The following ADAR variants were observed in gnomAD, a reference collection of about 807,000 sequenced individuals.
The protein encoded by ADAR is double-stranded RNA-specific adenosine deaminase.
A neutral mutation model predicts 113.2 loss-of-function variants in ADAR; 41 were observed. The ratio of observed to expected loss-of-function variants is 0.36; its 90% CI spans 0.28 to 0.47. The LOEUF is 0.47. ADAR is among the 20% of genes least tolerant of loss of function. ADAR has a pLI of 1.00. For missense variants in ADAR, 1,242 were observed against 1,540.9 expected (o/e 0.81, Z 3.25); for synonymous variants, 605 against 572.6 (o/e 1.06, Z -0.81).
intron 12 of ADAR, 76 bp downstream of exon 12, chr1:154,586,105 G>T: frequency 6.4e-7 from 1 of 1,563,806 alleles, no homozygotes; most frequent in Non-Finnish European, 8.8e-7. Context: ...CAAAACACCT[G>T]GCAATAAAGC....
In ADAR at chr1:154,590,249, T is replaced by C; in HGVS notation, c.2431A>G (p.Thr811Ala). The C allele has an allele frequency of 6.2e-7, 1 of 1,606,704 alleles. No individual in the cohort carries two copies. The change falls in exon 7 of 15, where the codon ACA becomes GCA. Residue 811 changes from threonine (T) to alanine (A), a missense_variant. Around this residue, in one of 2 missense-constraint regions of ADAR, gnomAD observed 780 missense variants for 1,057.9 expected, o/e 0.74. Coordinates refer to ENST00000368474, the MANE Select transcript of ADAR (RefSeq NM_001111.5). ...RMGFTEVTPV[T>A]GASLRRTMLL... The stretch of plus-strand genomic sequence containing the variant: ...ATAGTTCTTCTGAGACTGGCCCCTG[T>C]CACTGGGGTTACCTCTGTGAAACCC...
chr1:154,584,793 T>A lies in ADAR; in HGVS notation c.*13A>T. ...AGTATGACACACCCTAATCCATCTGTCACTGGAGCATACTATACTGGGCAG... is the reference window on the plus strand; with the variant it reads ...AGTATGACACACCCTAATCCATCTGACACTGGAGCATACTATACTGGGCAG... On this transcript the variant is annotated 3_prime_UTR_variant, in exon 15 of 15. Transcript: ENST00000368474. 6.2e-7 allele frequency: 1 copy of A among 1,602,188 alleles called. No homozygotes were observed. Among genetic ancestry groups the A allele is most frequent in the Non-Finnish European group, 8.5e-7 (1 of 1,169,740 alleles).
upstream of ADAR, among the ~76,000 whole-genome samples, chr1:154,611,321 T>C (rs1557899969): frequency 6.6e-6 from 1 of 152,194 alleles, no homozygotes; most frequent in Non-Finnish European, 1.5e-5. Flanking sequence ...AGAAGGTCAG[T>C]TTATGCCTTG....
At chr1:154,610,824 G>GAAAAAAAAAAAAAAAAAAAAAAAAAAA (rs1298389364), upstream of ADAR, among the ~76,000 whole-genome samples, 3 of 65,202 alleles carry the variant, frequency 4.6e-5, no homozygotes, top group African/African-American at 6.6e-5. Flanking sequence ...AAAAAAAAAA[G>GAAAAAAAAAAAAAAAAAAAAAAAAAAA]AAAAAAAAAA....
At chr1:154,587,492 ATC>A (rs1326276189) in intron 11 of ADAR, among the ~76,000 whole-genome samples, 3 of 152,164 alleles carry the variant, frequency 2.0e-5, no homozygotes, top group Admixed American at 1.3e-4. Flanking sequence ...ACAGATCTCC[ATC>A]TCTCTGCAGC....
intron 9 of ADAR, 149 bp from the exon 10 acceptor site, chr1:154,588,822 ACCTCAGC>A: frequency 1.7e-6 from 2 of 1,143,284 alleles, no homozygotes; most frequent in Non-Finnish European, 2.6e-6. Flanking sequence ...TCCAGGGGAG[ACCTCAGC>A]ATTTCATAAA....
At chr1:154,586,053 C>T (rs1381096761) in intron 12 of ADAR, 128 bp downstream of exon 12, 1 of 1,311,350 alleles carries the variant, frequency 7.6e-7, no homozygotes, top group Non-Finnish European at 1.1e-6. Context: ...GACACTCAAT[C>T]AATTACTGAG....
rs1696721808 is a variant in ADAR at position 154,585,836 on chromosome 1, G to A, written c.3232C>T (p.Arg1078Cys). 2 of 1,613,976 alleles carry A rather than the reference G, an allele frequency of 1.2e-6. No individual in the cohort carries two copies. Among genetic ancestry groups the A allele is most frequent in the Non-Finnish European group, 1.7e-6 (2 of 1,179,960 alleles). ...CTTGTCACACGACAGCAAATAGCAC[G>A]GGTCAGATGCCCTTGGCTGAAAAGG... ...GYLFSQGHLT[R>C]AICCRVTRDG... The change falls in exon 13 of 15, where the codon CGT becomes TGT. Residue 1078 changes from arginine to cysteine, a missense_variant. Transcript: ENST00000368474.
intron 1 of ADAR, among the ~76,000 whole-genome samples, chr1:154,622,959 GGA>G (rs1276453497): frequency 1.3e-5 from 2 of 152,164 alleles, no homozygotes; most frequent in Non-Finnish European, 2.9e-5. Flanking sequence ...CAGTCAATGA[GGA>G]GAGACAGGCA....
intron 13 of ADAR, 182 bp from the exon 14 acceptor site, chr1:154,585,526 T>A: frequency 1.0e-6 from 1 of 963,354 alleles, no homozygotes; most frequent in South Asian, 1.4e-5. Flanking sequence ...TCGATTCAGA[T>A]TAATTCCAGA....
In ADAR at chr1:154,608,087, G is replaced by GGCCCCCAC; in HGVS notation, c.-89_-82dup. On this transcript the variant is annotated 5_prime_UTR_variant, in exon 1 of 15. Transcript: ENST00000368474. ...CCGCTGGGCCGCGCCAGCCCCTCGA[G>GGCCCCCAC]GCCCCCACGCCTCCGCTACTCCGCA... 2 of 1,473,130 alleles carry GGCCCCCAC rather than the reference G, an allele frequency of 1.4e-6. No individual in the cohort carries two copies. The highest frequency in any genetic ancestry group is 1.4e-5 in the South Asian group (1 of 72,258). The allele number at this position is 1,473,130 out of a possible 1,614,324, so 91.3% of individuals were successfully genotyped here. A position where few individuals can be genotyped will look rare whatever the true frequency, so the allele number is the denominator to read the frequency against.
chr1:154,595,095 A>G (rs1697407341), intron 6 of ADAR, among the ~76,000 whole-genome samples: 1 of 152,212 alleles, frequency 6.6e-6, no homozygotes, highest in African/African-American at 2.4e-5. Flanking sequence ...ACACAGGAAG[A>G]GGTGAGTGGC....
chr1:154,590,135 A>AGGCGGGGGGGCGGGGGGG, intron 7 of ADAR, 49 bp downstream of exon 7: 1 of 1,205,046 alleles, frequency 8.3e-7, no homozygotes, highest in Non-Finnish European at 1.2e-6. Flanking sequence ...CTTAGGAGTT[A>AGGCGGGGGGGCGGGGGGG]GGAGGACCCC....
chr1:154,586,414 TC>T (rs1557865570), intron 11 of ADAR, 51 bp from the exon 12 acceptor site: 1 of 1,568,122 alleles, frequency 6.4e-7, no homozygotes, highest in South Asian at 1.1e-5. Flanking sequence ...ACCAAACCAC[TC>T]CCTGGCGTGG....
At chr1:154,610,808 C>CAAAAAAAAAAAAAAA (rs1369386387), upstream of ADAR, among the ~76,000 whole-genome samples, 35 of 40,544 alleles carry the variant, frequency 8.6e-4, 6 homozygotes, top group Non-Finnish European at 1.1e-3. Context: ...GACACCGTCT[C>CAAAAAAAAAAAAAAA]AAAAAAAAAA....
intron 6 of ADAR, among the ~76,000 whole-genome samples, chr1:154,591,558 C>T (rs887775717): frequency 5.3e-5 from 8 of 152,216 alleles, no homozygotes; most frequent in African/African-American, 7.2e-5. Context: ...TCTACCGCTC[C>T]GGCTGGTAAT....
chr1:154,598,236 GT>G (rs1697634048), intron 3 of ADAR, among the ~76,000 whole-genome samples, 165 bp downstream of exon 3: 1 of 152,174 alleles, frequency 6.6e-6, no homozygotes, highest in African/African-American at 2.4e-5. Context: ...GAGGAGCTGG[GT>G]ATGAGAGGAG....
chr1:154,601,774 G>C lies in ADAR; in HGVS notation c.868C>G (p.Pro290Ala). 1 of 1,614,222 alleles carries C rather than the reference G, an allele frequency of 6.2e-7. No homozygotes were observed. Among genetic ancestry groups the C allele is most frequent in the Middle Eastern group, 1.6e-4 (1 of 6,062 alleles). ...DSNSTSALED[P>A]LEFLDMAEIK... ...TCGGCCATGTCTAAAAACTCAAGAG[G>C]ATCTTCCAAGGCAGATGTGGAGTTG... Residue 290 changes from proline to alanine, a missense_variant, in exon 2 of 15, where the codon CCT becomes GCT. By Grantham distance (27) the Pro-to-Ala change is conservative. Transcript: ENST00000368474. The surrounding 1 kb of genome is among the most constrained non-coding windows in gnomAD (Gnocchi z 4.7).
At chr1:154,618,678 C>T (rs181069415) in intron 1 of ADAR, among the ~76,000 whole-genome samples, 56 of 151,656 alleles carry the variant, frequency 3.7e-4, no homozygotes, top group African/African-American at 1.2e-3. Flanking sequence ...TGAGAAAAAG[C>T]GTTATTCAAC....
Sources: gnomAD v4.1 joint callset for allele counts (sites outside exome capture counted in the v4.1 genomes callset) on GRCh38, gnomAD v4.1.1 for gene constraint, gnomAD v4.1.1 regional missense constraint, Gnocchi (gnomAD v3.1) non-coding constraint, MANE v1.5 for transcripts, NCBI Gene and HGNC (gene_info 2026-07-23, HGNC 2026-07-21) for gene names.